FGGY: variants seen among roughly 807,000 people sequenced by gnomAD.
FGGY encodes FGGY carbohydrate kinase domain-containing protein.
A neutral mutation model predicts 71.3 loss-of-function variants in FGGY; 72 were observed. The ratio of observed to expected loss-of-function variants is 1.01; its 90% confidence interval spans 0.84 to 1.23. The LOEUF (loss-of-function observed/expected upper bound fraction) is 1.23. FGGY is among the 50% of genes most tolerant of loss of function. The pLI is 0.00. For missense variants in FGGY, 668 were observed against 682.3 expected (o/e 0.98, Z 0.23); for synonymous variants, 251 against 250.3 (o/e 1.00, Z -0.02).
chr1:59,569,066 GCAAGGAA>G (rs2095932929), intron 8 of FGGY, among the ~76,000 whole-genome samples: 1 of 152,150 alleles, frequency 6.6e-6, no homozygotes, highest in South Asian at 2.1e-4. Flanking sequence ...TCAAGAATGG[GCAAGGAA>G]CACATTTATA....
intron 15 of FGGY, 120 bp from the exon 16 acceptor site, chr1:59,762,383 T>A: frequency 1.4e-6 from 1 of 694,932 alleles, no homozygotes; most frequent in Non-Finnish European, 2.5e-6. Context: ...GCTGTAAGCA[T>A]TCAGAATCTA....
chr1:59,310,155 A>G (rs1490298940), intron 1 of FGGY: 1 of 151,846 alleles, frequency 6.6e-6, no homozygotes, highest in Non-Finnish European at 1.5e-5. Context: ...GAATTTGCCG[A>G]GATCTTACAG....
chr1:59,609,018 G>A (rs541522576), intron 9 of FGGY, among the ~76,000 whole-genome samples: 1 of 152,292 alleles, frequency 6.6e-6, no homozygotes, highest in Admixed American at 6.5e-5. Flanking sequence ...TTGGCACAAA[G>A]CTAGGTTAGG....
chr1:59,539,453 C>G (rs1331554383), intron 7 of FGGY, among the ~76,000 whole-genome samples: 1 of 152,182 alleles, frequency 6.6e-6, no homozygotes, highest in African/African-American at 2.4e-5. Flanking sequence ...CAAACTCACA[C>G]ATGTATGGAC....
intron 5 of FGGY, among the ~76,000 whole-genome samples, chr1:59,384,382 C>G (rs2153358913): frequency 6.6e-6 from 1 of 152,220 alleles, no homozygotes; most frequent in East Asian, 1.9e-4. Flanking sequence ...CTGTGTTTCT[C>G]TCTCTTATTT....
chr1:59,425,407 C>A (rs1437306282), intron 5 of FGGY, among the ~76,000 whole-genome samples: 3 of 151,862 alleles, frequency 2.0e-5, no homozygotes, highest in Non-Finnish European at 4.4e-5. Context: ...GATATTTGCC[C>A]CCAAATTGTC....
In FGGY at chr1:59,301,966, A is replaced by C. The variant is rs189024202; in HGVS notation, c.-15+4816A>C. On this transcript the variant is annotated intron_variant, in intron 1 of 15. Transcript: ENST00000303721. ...TGGTCAGGCTGGTCTTGATCTCCTG[A>C]CCTTAGGTGATCTGCCCTCCTTGGC... Among the ~76,000 whole-genome samples, 196 of 147,048 alleles carry C rather than the reference A, an allele frequency of 1.3e-3. 1 individual carries two copies. The highest frequency in any genetic ancestry group is 4.7e-3 in the African/African-American group (188 of 39,922).
At chr1:59,420,132 C>T (rs1298263791) in intron 5 of FGGY, among the ~76,000 whole-genome samples, 1 of 152,056 alleles carries the variant, frequency 6.6e-6, no homozygotes, top group Non-Finnish European at 1.5e-5. Context: ...CGCTTTGGGC[C>T]CTTCACAAGG....
intron 9 of FGGY, among the ~76,000 whole-genome samples, chr1:59,615,912 G>A (rs934102125): frequency 1.3e-5 from 2 of 152,126 alleles, no homozygotes; most frequent in Admixed American, 6.5e-5. Context: ...ATCATCACTG[G>A]CCATCAGAGA....
At chr1:59,704,222 G>T (rs1234401486) in intron 14 of FGGY, among the ~76,000 whole-genome samples, 2 of 152,024 alleles carry the variant, frequency 1.3e-5, no homozygotes, top group Non-Finnish European at 2.9e-5. Context: ...ACCCAGCCCT[G>T]GGGCTGGGTC....
At chr1:59,723,580 G>A (rs986724961) in intron 14 of FGGY, among the ~76,000 whole-genome samples, 2 of 150,036 alleles carry the variant, frequency 1.3e-5, no homozygotes, top group African/African-American at 4.9e-5. Context: ...GGGTGGTTGG[G>A]GGTTTTTTTA....
chr1:59,752,347 G>A (rs1163332290), intron 14 of FGGY, among the ~76,000 whole-genome samples: 1 of 152,118 alleles, frequency 6.6e-6, no homozygotes, highest in Non-Finnish European at 1.5e-5. Context: ...TGCCTTCTGG[G>A]AGTTCATATA....
Position 59,741,388 on chromosome 1 carries a change from C to T in FGGY, c.1513-16543C>T, listed in dbSNP as rs2098145902. Among the ~76,000 whole-genome samples, 3 of 152,132 alleles carry T rather than the reference C, an allele frequency of 2.0e-5. No homozygotes were observed. The South Asian group carries it at 6.2e-4, about 32-fold the overall frequency. On this transcript the variant is annotated intron_variant, in intron 14 of 15. Coordinates refer to ENST00000303721, the MANE Select transcript of FGGY (RefSeq NM_018291.5). ...GTGTAGTACCTCCCTCCACTTCCTC[C>T]CGCTCCAGCCATGTAAGACGTGCTT...
chr1:59,317,803 A>G (rs2045715443), intron 1 of FGGY, among the ~76,000 whole-genome samples: 1 of 152,240 alleles, frequency 6.6e-6, no homozygotes, highest in Non-Finnish European at 1.5e-5. Flanking sequence ...TTTCATAGAA[A>G]AACATGAACT....
intron 7 of FGGY, among the ~76,000 whole-genome samples, chr1:59,540,662 A>C (rs774478578): frequency 6.6e-6 from 1 of 152,224 alleles, no homozygotes; most frequent in Non-Finnish European, 1.5e-5. Flanking sequence ...TTTTTAATGT[A>C]GGTTATACTT....
intron 5 of FGGY, among the ~76,000 whole-genome samples, chr1:59,420,109 T>A (rs1404394110): frequency 6.6e-6 from 1 of 152,202 alleles, no homozygotes; most frequent in Non-Finnish European, 1.5e-5. Context: ...AATGTAAATT[T>A]GTTATAAGCA....
chr1:59,709,807 C>G (rs2097781394), intron 14 of FGGY, among the ~76,000 whole-genome samples: 1 of 152,176 alleles, frequency 6.6e-6, no homozygotes. Context: ...TCACTCCTTC[C>G]AACAGGCCTT....
intron 8 of FGGY, among the ~76,000 whole-genome samples, chr1:59,596,917 A>C (rs1181183403): frequency 6.6e-6 from 1 of 152,084 alleles, no homozygotes; most frequent in East Asian, 1.9e-4. Context: ...ATACTTTCTT[A>C]ATCCTCTCAT....
chr1:59,732,358 C>T (rs916376726), intron 14 of FGGY, among the ~76,000 whole-genome samples: 1 of 152,158 alleles, frequency 6.6e-6, no homozygotes, highest in Non-Finnish European at 1.5e-5. Context: ...GTTTACCACC[C>T]CCCTTCCTAT....
Sources: allele counts gnomAD v4.1 joint callset (sites outside exome capture counted in the v4.1 genomes callset), GRCh38; gene constraint gnomAD v4.1.1; transcripts MANE v1.5; gene names NCBI Gene and HGNC (gene_info 2026-07-23, HGNC 2026-07-21).